CDS1: variants seen among roughly 807,000 people sequenced by gnomAD.
CDS1 encodes the protein CDP-diacylglycerol synthase 1, also known as phosphatidate cytidylyltransferase 1.
In CDS1, 41 loss-of-function variants were observed where a neutral mutation model predicts 62.1. The ratio of observed to expected loss-of-function variants is 0.66; its 90% CI spans 0.51 to 0.86. The LOEUF is 0.86. CDS1 is among the 40% of genes least tolerant of loss of function. The pLI, the probability that CDS1 is intolerant of heterozygous loss-of-function variation, is 0.00. For missense variants in CDS1, 470 were observed against 550.1 expected (o/e 0.85, Z 1.46); for synonymous variants, 185 against 192.6 (o/e 0.96, Z 0.32).
At chr4:84,612,592 A>G (rs1723358696) in intron 3 of CDS1, among the ~76,000 whole-genome samples, 1 of 151,294 alleles carries the variant, frequency 6.6e-6, no homozygotes, top group Non-Finnish European at 1.5e-5. Flanking sequence ...TGCCTACGGT[A>G]CTTGAGTTTT....
At chr4:84,602,698 GA>G (rs1339272179) in intron 1 of CDS1, among the ~76,000 whole-genome samples, 6 of 148,482 alleles carry the variant, frequency 4.0e-5, no homozygotes, top group African/African-American at 9.9e-5. Flanking sequence ...GCAGGGAAAA[GA>G]AAAAAAAAAC....
intron 2 of CDS1, among the ~76,000 whole-genome samples, chr4:84,605,499 C>T (rs1488762440): frequency 2.0e-5 from 3 of 151,600 alleles, no homozygotes; most frequent in African/African-American, 7.3e-5. Context: ...TTAAAAGCAA[C>T]ATTTTCATAT....
Position 84,626,143 on chromosome 4 carries a change from G to A in CDS1, c.581-5676G>A, listed in dbSNP as rs1169658770. On this transcript the variant is annotated intron_variant, in intron 5 of 12. Transcript: ENST00000295887. The stretch of plus-strand genomic sequence containing the variant: ...GATCATGCCATTCCACTCCAGCCTG[G>A]GCAACAAGAGCGAAACTCCATTTCA... Among the ~76,000 whole-genome samples, 4 of 151,702 alleles carry A rather than the reference G, an allele frequency of 2.6e-5. No homozygotes were observed. In the East Asian group the frequency reaches 7.7e-4, roughly 29 times the overall value.
chr4:84,629,587 T>A (rs572784688), intron 5 of CDS1, among the ~76,000 whole-genome samples: 1 of 152,312 alleles, frequency 6.6e-6, no homozygotes, highest in Admixed American at 6.5e-5. Context: ...CATCCATGGA[T>A]TTTTGTCCTT....
chr4:84,595,976 A>C (rs1411070228), intron 1 of CDS1, among the ~76,000 whole-genome samples: 1 of 152,232 alleles, frequency 6.6e-6, no homozygotes, highest in Non-Finnish European at 1.5e-5. Flanking sequence ...GGGCCTTAAA[A>C]TTAAGTAAGA....
chr4:84,628,160 C>G (rs904157258), intron 5 of CDS1, among the ~76,000 whole-genome samples: 1 of 151,984 alleles, frequency 6.6e-6, no homozygotes, highest in African/African-American at 2.4e-5. Flanking sequence ...AGAATATAAC[C>G]AAGCGGAAGA....
chr4:84,613,671 C>T (rs867967354), intron 3 of CDS1, among the ~76,000 whole-genome samples: 19 of 152,106 alleles, frequency 1.2e-4, no homozygotes, highest in Non-Finnish European at 2.4e-4. Context: ...GGAATGCATA[C>T]CCATGTTCCT....
At chr4:84,592,937 G>T (rs185408687) in intron 1 of CDS1, among the ~76,000 whole-genome samples, 20 of 152,240 alleles carry the variant, frequency 1.3e-4, no homozygotes, top group Admixed American at 1.2e-3. Context: ...TCCCAAGCAG[G>T]TCATTTCACA....
chr4:84,620,907 A>T (rs1723666826), intron 5 of CDS1, among the ~76,000 whole-genome samples: 1 of 152,142 alleles, frequency 6.6e-6, no homozygotes, highest in Non-Finnish European at 1.5e-5. Context: ...CTAAAAATAC[A>T]GAATTAGCCG....
chr4:84,591,885 TTGAATCTATGAAA>T (rs2110035055), intron 1 of CDS1, among the ~76,000 whole-genome samples: 1 of 152,342 alleles, frequency 6.6e-6, no homozygotes, highest in South Asian at 2.1e-4. Context: ...TTTGGTCTTT[TTGAATCTATGAAA>T]TGTTGGCAGC....
chr4:84,633,714 C>A, intron 6 of CDS1, 143 bp from the exon 7 acceptor site: 1 of 410,282 alleles, frequency 2.4e-6, no homozygotes. Flanking sequence ...AATTTACTAA[C>A]AGTGTTTTTA....
rs1724437247 is a variant in CDS1, at chr4:84,643,019, T to C, written c.1033-5T>C. 6.3e-7 allele frequency: 1 copy of C among 1,589,800 alleles called. No individual in the cohort carries two copies. The highest frequency in any genetic ancestry group is 8.6e-7 in the Non-Finnish European group (1 of 1,164,784). On this transcript the variant is annotated splice_polypyrimidine_tract_variant and splice_region_variant and intron_variant, in intron 10 of 12. Transcript: ENST00000295887. The stretch of plus-strand genomic sequence containing the variant: ...CCCTCTCCTCCCCTTCTTTCTCCTC[T>C]TTAGGAAAGAGTGAGCTTGTACCCT...
chr4:84,588,855 A>G (rs1268900137), intron 1 of CDS1, among the ~76,000 whole-genome samples: 2 of 152,254 alleles, frequency 1.3e-5, no homozygotes, highest in South Asian at 2.1e-4. Context: ...AATTGTTTAC[A>G]TGTAATCACA....
chr4:84,641,107 C>G (rs910892140), intron 10 of CDS1, 117 bp downstream of exon 10: 1 of 640,428 alleles, frequency 1.6e-6, no homozygotes, highest in African/African-American at 1.9e-5. Flanking sequence ...ACAGAGTTTC[C>G]CTCTGTTGCC....
chr4:84,607,287 C>A (rs1723155189), intron 2 of CDS1, among the ~76,000 whole-genome samples: 1 of 144,984 alleles, frequency 6.9e-6, no homozygotes, highest in Admixed American at 6.9e-5. Flanking sequence ...GGAATGTAAT[C>A]TTTTTTTTTT....
At chr4:84,606,303 G>T (rs573192730) in intron 2 of CDS1, among the ~76,000 whole-genome samples, 6 of 82,922 alleles carry the variant, frequency 7.2e-5, no homozygotes, top group Admixed American at 4.3e-4. Flanking sequence ...TTTTTCTTGT[G>T]CAGTGTGTGT....
In CDS1 at chr4:84,646,836, C is replaced by T. The variant is rs545136943; in HGVS notation, c.1256+1511C>T. ...TTATTTGTTTTTGTGTTTGTTTGGT[C>T]CGCTTGTTCTATCAGTTACTAAGAG... On this transcript the variant is annotated intron_variant, in intron 12 of 12. Coordinates refer to ENST00000295887, the MANE Select transcript of CDS1 (RefSeq NM_001263.4). 3.9e-5 allele frequency among the ~76,000 whole-genome samples: 6 copies of T among 152,168 alleles called. No individual in the cohort carries two copies. In the East Asian group the frequency reaches 1.2e-3, roughly 29 times the overall value.
At position 84,583,164 on chromosome 4, in the gene CDS1, G is replaced by C. The variant is rs1578008742; in HGVS notation, c.-238G>C. 3.4e-5 allele frequency: 15 copies of C among 445,230 alleles called. No individual in the cohort carries two copies. The highest frequency in any genetic ancestry group is 3.2e-4 in the South Asian group (9 of 28,298). The allele number at this position is 445,230 out of a possible 1,614,324, so 27.6% of individuals were successfully genotyped here. ...CGCGCCTGGCGCCCGGAGCCTGCCC[G>C]GGACCTCCGCCGGAGCCGCGCTCGC... On this transcript the variant is annotated 5_prime_UTR_variant, in exon 1 of 13. Coordinates refer to ENST00000295887, the MANE Select transcript of CDS1 (RefSeq NM_001263.4).
intron 1 of CDS1, among the ~76,000 whole-genome samples, chr4:84,589,807 C>CT (rs879447181): frequency 3.6e-4 from 55 of 151,386 alleles, no homozygotes; most frequent in Non-Finnish European, 6.0e-4. Flanking sequence ...TAAGGCAGGT[C>CT]TTTTTTGTTT....
Sources: gnomAD v4.1 joint callset for allele counts (sites outside exome capture counted in the v4.1 genomes callset) on GRCh38, gnomAD v4.1.1 for gene constraint, MANE v1.5 for transcripts, NCBI Gene and HGNC (gene_info 2026-07-23, HGNC 2026-07-21) for gene names.